The following IL1RAPL2 variants were observed in gnomAD, a reference collection of about 807,000 sequenced individuals.
IL1RAPL2 encodes X-linked interleukin-1 receptor accessory protein-like 2.
A neutral mutation model predicts 44.1 loss-of-function variants in IL1RAPL2; 3 were observed. The observed-to-expected ratio is 0.07, with a 90% CI of 0.03 to 0.18. The LOEUF is 0.18. Ranked by LOEUF, IL1RAPL2 falls within the 10% of genes least tolerant of loss-of-function variation. The pLI is 1.00. For synonymous variants in IL1RAPL2, 181 were observed against 178.8 expected, an observed-to-expected ratio of 1.01 and a Z score of -0.10; for missense variants, 391 against 496.4, an observed-to-expected ratio of 0.79 and a Z score of 2.02.
intron 6 of IL1RAPL2, among the ~76,000 whole-genome samples, chrX:105,492,599 AT>A (rs1196121112): frequency 9.1e-6 from 1 of 109,631 alleles, no homozygotes; most frequent in Non-Finnish European, 1.9e-5. Context: ...TGTAGTGATA[AT>A]ATCAGTAGTA....
intron 2 of IL1RAPL2, among the ~76,000 whole-genome samples, chrX:105,003,372 C>T (rs755521511): frequency 9.0e-6 from 1 of 110,984 alleles, no homozygotes; most frequent in South Asian, 3.7e-4. Flanking sequence ...TTCATCCTTG[C>T]TCCAGATGCT....
chrX:104,569,899 G>A (rs1928112829), intron 1 of IL1RAPL2, among the ~76,000 whole-genome samples: 1 of 112,411 alleles, frequency 8.9e-6, no homozygotes, highest in South Asian at 3.7e-4. Flanking sequence ...ACAGGTTGTA[G>A]CACTATGATG....
At chrX:105,688,022 C>T (rs1022914385) in intron 6 of IL1RAPL2, among the ~76,000 whole-genome samples, 1 of 111,756 alleles carries the variant, frequency 8.9e-6, no homozygotes, top group South Asian at 3.7e-4. Context: ...AATTCAGCAG[C>T]CCTTCATGCT....
chrX:104,591,191 G>A (rs1459236183), intron 1 of IL1RAPL2, among the ~76,000 whole-genome samples: 1 of 111,023 alleles, frequency 9.0e-6, no homozygotes, highest in African/African-American at 3.3e-5. Flanking sequence ...GCTTCCTTTC[G>A]TTTGACTTTG....
chrX:105,488,539 C>T (rs6652924), intron 6 of IL1RAPL2, among the ~76,000 whole-genome samples: 1 of 112,453 alleles, frequency 8.9e-6, no homozygotes, highest in Admixed American at 9.4e-5. Context: ...AAGTGATTGT[C>T]ATTTGCCATT....
At chrX:105,072,297 C>T (rs1764635176) in intron 2 of IL1RAPL2, among the ~76,000 whole-genome samples, 1 of 111,851 alleles carries the variant, frequency 8.9e-6, no homozygotes, top group African/African-American at 3.3e-5. Context: ...AATTAAACCT[C>T]TTTCCTTTAT....
At chrX:104,773,337 C>T (rs1477500732) in intron 2 of IL1RAPL2, among the ~76,000 whole-genome samples, 1 of 111,887 alleles carries the variant, frequency 8.9e-6, no homozygotes, top group East Asian at 2.8e-4. Flanking sequence ...TAGTTCCATT[C>T]AGTTATTTTA....
At chrX:105,105,914 T>A (rs1370121365) in intron 2 of IL1RAPL2, among the ~76,000 whole-genome samples, 5 of 111,603 alleles carry the variant, frequency 4.5e-5, no homozygotes, top group Non-Finnish European at 9.4e-5. Flanking sequence ...TACCCTCAGC[T>A]TTGTAGTCCG....
At chrX:104,668,858 A>G (rs1930538009) in intron 2 of IL1RAPL2, among the ~76,000 whole-genome samples, 1 of 110,384 alleles carries the variant, frequency 9.1e-6, no homozygotes, top group Admixed American at 9.7e-5. Flanking sequence ...TGATTGGTCT[A>G]ATCTTTGAAC....
intron 7 of IL1RAPL2, among the ~76,000 whole-genome samples, chrX:105,737,518 A>G (rs756967269): frequency 1.8e-5 from 2 of 111,178 alleles, no homozygotes; most frequent in African/African-American, 6.5e-5. Flanking sequence ...AGATGAACCA[A>G]GGATCATTTT....
At chrX:105,409,916 G>A (rs2035682838) in intron 5 of IL1RAPL2, among the ~76,000 whole-genome samples, 1 of 109,086 alleles carries the variant, frequency 9.2e-6, no homozygotes, top group Admixed American at 9.9e-5. Flanking sequence ...TAAACAAACA[G>A]TATAGATTTG....
intron 6 of IL1RAPL2, among the ~76,000 whole-genome samples, chrX:105,667,775 AG>A (rs1197176940): frequency 9.0e-6 from 1 of 111,575 alleles, no homozygotes; most frequent in African/African-American, 3.3e-5. Context: ...CATGGATAGA[AG>A]GGGAAGATTC....
intron 6 of IL1RAPL2, among the ~76,000 whole-genome samples, chrX:105,568,838 T>G (rs974796037): frequency 8.9e-6 from 1 of 111,808 alleles, no homozygotes; most frequent in Non-Finnish European, 1.9e-5. Context: ...AAAAATAAGT[T>G]AGCTGAATGT....
chrX:104,658,840 TG>T lies in IL1RAPL2; in HGVS notation c.-19-54del, dbSNP rs1665527232. 1.4e-5 allele frequency: 11 copies of T among 777,959 alleles called. No homozygotes were observed. The South Asian group carries it at 1.6e-4, about 11-fold the overall frequency. The allele number at this position is 777,959 out of a possible 1,213,427, so 64.1% of individuals were successfully genotyped here. ...AAATGTAAAATTATAGGTGTGGTTT[TG>T]TTGAGGCCAAGATCTGTGGTTCAAA... is the stretch of plus-strand genomic sequence containing the variant. On this transcript the variant is annotated intron_variant, in intron 1 of 10. Coordinates refer to ENST00000372582, the MANE Select transcript of IL1RAPL2 (RefSeq NM_017416.2).
At chrX:105,737,859 G>A (rs1362642009) in intron 7 of IL1RAPL2, among the ~76,000 whole-genome samples, 1 of 111,710 alleles carries the variant, frequency 9.0e-6, no homozygotes, top group Non-Finnish European at 1.9e-5. Context: ...TCTTGGTTAG[G>A]TACATGTTGG....
At chrX:104,841,119 T>G (rs1006324563) in intron 2 of IL1RAPL2, among the ~76,000 whole-genome samples, 1 of 112,263 alleles carries the variant, frequency 8.9e-6, no homozygotes, top group Non-Finnish European at 1.9e-5. Context: ...TTTTGTTGCA[T>G]TGATGCCTTT....
rs1439136818 is a variant in IL1RAPL2, at chrX:105,078,307, C to T, written c.83-117168C>T. ...GTTTACTGGAGGTCCACTCCAGACC[C>T]TGTTTGCCTGGGTATCAGCAGTGGT... On this transcript the variant is annotated intron_variant, in intron 2 of 10. Transcript: ENST00000372582. Among the ~76,000 whole-genome samples, 3 of 111,896 alleles carry T rather than the reference C, an allele frequency of 2.7e-5. No individual in the cohort carries two copies. In the East Asian group the frequency reaches 8.4e-4, roughly 31 times the overall value.
intron 2 of IL1RAPL2, among the ~76,000 whole-genome samples, chrX:105,036,989 A>G (rs754390798): frequency 9.7e-4 from 109 of 112,076 alleles, no homozygotes; most frequent in Non-Finnish European, 1.6e-3. Context: ...TTAACTCCCC[A>G]TATGCTTCCA....
At chrX:105,694,829 T>C (rs1242573565) in intron 6 of IL1RAPL2, among the ~76,000 whole-genome samples, 1 of 111,709 alleles carries the variant, frequency 9.0e-6, no homozygotes, top group African/African-American at 3.3e-5. Context: ...ATAAGCCACT[T>C]TTTAGTAATC....
Sources: gnomAD v4.1 joint callset for allele counts (sites outside exome capture counted in the v4.1 genomes callset) on GRCh38, gnomAD v4.1.1 for gene constraint, MANE v1.5 for transcripts, NCBI Gene and HGNC (gene_info 2026-07-23, HGNC 2026-07-21) for gene names.